AP2B1: variants seen among roughly 807,000 people sequenced by gnomAD.
The protein encoded by AP2B1 is adaptor related protein complex 2 subunit beta 1, also known as AP-2 complex subunit beta.
AP2B1 carries 23 observed loss-of-function variants against 102.0 expected under a neutral mutation model. The observed-to-expected ratio is 0.23, with a 90% CI of 0.16 to 0.32. The LOEUF is 0.32. AP2B1 is among the 10% of genes least tolerant of loss of function. The pLI is 1.00. For synonymous variants in AP2B1, 381 were observed against 421.2 expected, an observed-to-expected ratio of 0.90 and a Z score of 1.17; for missense variants, 541 against 1,157.4, an observed-to-expected ratio of 0.47 and a Z score of 7.73.
intron 3 of AP2B1, among the ~76,000 whole-genome samples, chr17:35,604,728 A>G (rs1283786995): frequency 6.6e-6 from 1 of 152,208 alleles, no homozygotes; most frequent in Non-Finnish European, 1.5e-5. Flanking sequence ...ACTGAACTCC[A>G]GCCTGGGCGA....
chr17:35,644,392 T>A (rs1034092159), intron 12 of AP2B1, among the ~76,000 whole-genome samples: 7 of 152,194 alleles, frequency 4.6e-5, no homozygotes, highest in Non-Finnish European at 8.8e-5. Flanking sequence ...GCTTGCCTTT[T>A]TTCAAGACTG....
chr17:35,604,900 T>C (rs1456360144), intron 3 of AP2B1, among the ~76,000 whole-genome samples: 1 of 152,220 alleles, frequency 6.6e-6, no homozygotes, highest in Non-Finnish European at 1.5e-5. Context: ...AGAGACCTTG[T>C]TGAGAACAGC....
intron 21 of AP2B1, among the ~76,000 whole-genome samples, chr17:35,720,563 ATATATATATATTTTTTTTTTTT>A (rs1568063430): frequency 4.0e-5 from 2 of 49,656 alleles, no homozygotes; most frequent in African/African-American, 1.5e-4. Flanking sequence ...ATATATATAT[ATATATATATATTTTTTTTTTTT>A]TTTTTTTTTT....
At chr17:35,716,975 TTC>T (rs1438016381) in intron 20 of AP2B1, among the ~76,000 whole-genome samples, 2 of 152,244 alleles carry the variant, frequency 1.3e-5, no homozygotes, top group African/African-American at 4.8e-5. Flanking sequence ...GTGTACCTTA[TTC>T]TGTTTTCAGT....
Position 35,706,789 on chromosome 17 carries a change from C to T in AP2B1, c.2455-2435C>T, listed in dbSNP as rs587603560. ...CCAAGTAGCTGGGATTACAGGTGCCCGCCACCACACCCAACTAATATATAT... is the reference window on the plus strand; with the variant it reads ...CCAAGTAGCTGGGATTACAGGTGCCTGCCACCACACCCAACTAATATATAT... On this transcript the variant is annotated intron_variant, in intron 18 of 21. Coordinates refer to ENST00000610402, the MANE Select transcript of AP2B1 (RefSeq NM_001030006.2). 3.8e-4 allele frequency among the ~76,000 whole-genome samples: 58 copies of T among 151,848 alleles called. 1 individual carries two copies. Among genetic ancestry groups the T allele is most frequent in the Admixed American group, 3.7e-3 (56 of 15,262 alleles).
intron 1 of AP2B1, among the ~76,000 whole-genome samples, chr17:35,593,340 G>A (rs186897436): frequency 2.0e-3 from 310 of 152,160 alleles, no homozygotes; most frequent in Non-Finnish European, 3.2e-3. Context: ...AATGCTTGAG[G>A]TGATGGATAT....
chr17:35,638,274 T>G (rs897965887), intron 10 of AP2B1, among the ~76,000 whole-genome samples: 1 of 152,240 alleles, frequency 6.6e-6, no homozygotes, highest in Non-Finnish European at 1.5e-5. Context: ...GTTTAATCAG[T>G]AAAAGTAGGC....
chr17:35,662,139 G>C (rs1247909239), intron 14 of AP2B1, among the ~76,000 whole-genome samples: 1 of 152,194 alleles, frequency 6.6e-6, no homozygotes, highest in Non-Finnish European at 1.5e-5. Context: ...TAAACATACT[G>C]TAGCTCCCCA....
At chr17:35,600,294 G>T (rs980072123) in intron 3 of AP2B1, among the ~76,000 whole-genome samples, 2 of 152,036 alleles carry the variant, frequency 1.3e-5, no homozygotes, top group African/African-American at 4.8e-5. Context: ...TGTTGGCCAG[G>T]CTGGTCTCGA....
At chr17:35,696,883 CTA>C (rs1285984349) in intron 18 of AP2B1, among the ~76,000 whole-genome samples, 3 of 152,194 alleles carry the variant, frequency 2.0e-5, no homozygotes, top group Non-Finnish European at 4.4e-5. Context: ...CCCACCACTG[CTA>C]TGTCTCCCAG....
chr17:35,594,760 C>T (rs1480452347), intron 2 of AP2B1, among the ~76,000 whole-genome samples: 2 of 152,184 alleles, frequency 1.3e-5, no homozygotes, highest in Non-Finnish European at 2.9e-5. Context: ...GCACTTATTA[C>T]TCTCATCATC....
intron 20 of AP2B1, among the ~76,000 whole-genome samples, chr17:35,715,706 T>C (rs1334323299): frequency 3.9e-5 from 6 of 152,192 alleles, no homozygotes; most frequent in Non-Finnish European, 8.8e-5. Flanking sequence ...TAAAAGGGCA[T>C]ATTGAGGCCC....
chr17:35,593,796 T>C (rs950848532), intron 1 of AP2B1, among the ~76,000 whole-genome samples: 1 of 152,216 alleles, frequency 6.6e-6, no homozygotes, highest in African/African-American at 2.4e-5. Context: ...CCAGTTGCAT[T>C]TGGCCTTTAG....
chr17:35,693,898 C>T (rs1223775013), intron 18 of AP2B1, among the ~76,000 whole-genome samples: 1 of 152,228 alleles, frequency 6.6e-6, no homozygotes, highest in East Asian at 1.9e-4. Flanking sequence ...TTGACAGTCA[C>T]GTGTCCTCCT....
At chr17:35,720,711 T>A (rs1042300489) in intron 21 of AP2B1, among the ~76,000 whole-genome samples, 2 of 150,102 alleles carry the variant, frequency 1.3e-5, no homozygotes, top group African/African-American at 4.9e-5. Context: ...CGTGAGCCAC[T>A]GCACCTGGCC....
intron 20 of AP2B1, among the ~76,000 whole-genome samples, chr17:35,714,732 G>A: frequency 6.6e-6 from 1 of 151,874 alleles, no homozygotes; most frequent in East Asian, 1.9e-4. Flanking sequence ...AAGCAAGGAA[G>A]GAAAAAGAAA....
chr17:35,600,365 T>A (rs1333636020), intron 3 of AP2B1, among the ~76,000 whole-genome samples: 1 of 152,078 alleles, frequency 6.6e-6, no homozygotes, highest in Admixed American at 6.6e-5. Context: ...ATTACAGGCA[T>A]GAGCCACTGT....
chr17:35,602,323 T>G (rs562671209), intron 3 of AP2B1, among the ~76,000 whole-genome samples: 6 of 152,338 alleles, frequency 3.9e-5, no homozygotes, highest in Admixed American at 2.0e-4. Context: ...AGATACAGGT[T>G]AACAGGAATA....
chr17:35,694,551 G>T (rs1027771061), intron 18 of AP2B1, among the ~76,000 whole-genome samples: 1 of 151,438 alleles, frequency 6.6e-6, no homozygotes, highest in Non-Finnish European at 1.5e-5. Context: ...ATGAGCCACC[G>T]CACCCAGCCT....
Sources: allele counts gnomAD v4.1 joint callset (sites outside exome capture counted in the v4.1 genomes callset), GRCh38; gene constraint gnomAD v4.1.1; transcripts MANE v1.5; gene names NCBI Gene and HGNC (gene_info 2026-07-23, HGNC 2026-07-21).